PCSK6: variants seen among roughly 807,000 people sequenced by gnomAD.
The protein encoded by PCSK6 is proprotein convertase subtilisin/kexin type 6.
In PCSK6, 85 loss-of-function variants were observed where a neutral mutation model predicts 123.3. That is an observed-to-expected ratio of 0.69 (90% CI 0.58 to 0.83). The LOEUF is 0.83. PCSK6 is among the 40% of genes least tolerant of loss of function. The pLI, the probability that PCSK6 is intolerant of heterozygous loss-of-function variation, is 0.00. For synonymous variants in PCSK6, 508 were observed against 516.0 expected, an observed-to-expected ratio of 0.98 and a Z score of 0.21; for missense variants, 1,191 against 1,282.3, an observed-to-expected ratio of 0.93 and a Z score of 1.09.
chr15:101,336,757 T>A (rs1260985931), intron 13 of PCSK6: 1 of 152,076 alleles, frequency 6.6e-6, no homozygotes, highest in African/African-American at 2.4e-5. Context: ...TGTATTTTTG[T>A]TCTTTCTCTC....
At position 101,453,820 on chromosome 15, in the gene PCSK6, C is replaced by T. The variant is rs571149515; in HGVS notation, c.298-10160G>A. On this transcript the variant is annotated intron_variant, in intron 1 of 21. Coordinates refer to ENST00000611716, the MANE Select transcript of PCSK6 (RefSeq NM_002570.5). ...AGAAAGTCTCATCTAGAGAATTTGC[C>T]AGGGGAGAGAGGCTCCGGTACGAGT... Among the ~76,000 whole-genome samples the T allele has an allele frequency of 1.4e-4, 22 of 152,314 alleles. No individual in the cohort carries two copies. In the South Asian group the frequency reaches 4.1e-3, roughly 29 times the overall value.
At chr15:101,375,892 G>C (rs1596254908) in intron 11 of PCSK6, among the ~76,000 whole-genome samples, 1 of 152,086 alleles carries the variant, frequency 6.6e-6, no homozygotes, top group Non-Finnish European at 1.5e-5. Context: ...AAATTAGCCA[G>C]GTGTGATGGC....
rs577857295 is a variant in PCSK6, at chr15:101,384,334, C to T, written c.1402G>A (p.Ala468Thr). 33 of 1,613,628 alleles carry T rather than the reference C, an allele frequency of 2.0e-5. No homozygotes were observed. The highest frequency in any genetic ancestry group is 2.2e-5 in the East Asian group (1 of 44,900). Reference protein sequence around the residue: ...LKASDWKVNGAGHKVSHFYGF... With the variant: ...LKASDWKVNGTGHKVSHFYGF... ...GCCACTGCCGCACCTTTATGACCCG[C>T]GCCGTTCACTTTCCAGTCGCTCGCT... Residue 468 changes from alanine (A) to threonine (T), a missense_variant, in exon 10 of 22, where the codon GCG becomes ACG. Ala to Thr is a moderately conservative substitution (Grantham distance 58, BLOSUM62 0). Around this residue, in one of 3 missense-constraint regions of PCSK6, gnomAD observed 357 missense variants for 484.5 expected, o/e 0.74. Coordinates refer to ENST00000611716, the MANE Select transcript of PCSK6 (RefSeq NM_002570.5).
chr15:101,485,494 T>C (rs1342177277), intron 1 of PCSK6, among the ~76,000 whole-genome samples: 1 of 152,196 alleles, frequency 6.6e-6, no homozygotes. Context: ...CCTTTCCCGG[T>C]GTGACAAAGG....
chr15:101,470,585 C>T (rs1347615817), intron 1 of PCSK6, among the ~76,000 whole-genome samples: 2 of 152,138 alleles, frequency 1.3e-5, no homozygotes, highest in Non-Finnish European at 2.9e-5. Flanking sequence ...TTTTACATCC[C>T]TCCGGCATTC....
At chr15:101,372,086 C>T (rs970624407) in intron 11 of PCSK6, among the ~76,000 whole-genome samples, 1 of 152,244 alleles carries the variant, frequency 6.6e-6, no homozygotes, top group East Asian at 1.9e-4. Flanking sequence ...TGTGTCCAGG[C>T]TGGACCATCC....
At chr15:101,448,840 C>T (rs958973217) in intron 1 of PCSK6, among the ~76,000 whole-genome samples, 1 of 152,208 alleles carries the variant, frequency 6.6e-6, no homozygotes, top group Non-Finnish European at 1.5e-5. Flanking sequence ...AGAACCAGTA[C>T]CCTCAGCATG....
chr15:101,453,643 G>C (rs962703300), intron 1 of PCSK6, among the ~76,000 whole-genome samples: 4 of 152,198 alleles, frequency 2.6e-5, no homozygotes, highest in African/African-American at 9.7e-5. Context: ...CCACTGTGTA[G>C]CCTGCCTAAC....
Position 101,393,326 on chromosome 15 carries a change from G to A in PCSK6, c.1095C>T (p.Tyr365=), listed in dbSNP as rs371206498. 8.7e-6 allele frequency: 14 copies of A among 1,610,112 alleles called. No individual in the cohort carries two copies. Among genetic ancestry groups the A allele is most frequent in the Non-Finnish European group, 1.1e-5 (13 of 1,178,400 alleles). The stretch of plus-strand genomic sequence containing the variant: ...CGGTGGCGCTGCTGACGGAGATGGT[G>A]TAGATGCTGTTGGTGTAGCCATCGC... ...CSCDGYTNSI[Y]TISVSSATEN... Residue 365 remains tyrosine, a synonymous_variant, in exon 8 of 22, where the codon TAC becomes TAT. Transcript: ENST00000611716.
intron 6 of PCSK6, 34 bp downstream of exon 6, chr15:101,427,835 TCCCAGCTGCCCCTGCCCCAGGCC>T: frequency 7.3e-7 from 1 of 1,365,448 alleles, no homozygotes; most frequent in Non-Finnish European, 1.0e-6. Flanking sequence ...GACAGGGAGC[TCCCAGCTGCCCCTGCCCCAGGCC>T]CCTCGGCTCG....
At chr15:101,430,195 A>G (rs1271915272) in intron 4 of PCSK6, 132 bp from the exon 5 acceptor site, 2 of 686,678 alleles carry the variant, frequency 2.9e-6, no homozygotes, top group Non-Finnish European at 5.3e-6. Context: ...ATAATCTCAT[A>G]TACGTTTTTA....
intron 19 of PCSK6, among the ~76,000 whole-genome samples, chr15:101,316,813 G>T (rs1285702449): frequency 6.6e-6 from 1 of 152,152 alleles, no homozygotes; most frequent in Non-Finnish European, 1.5e-5. Flanking sequence ...TGCATGGGGT[G>T]CTCATGGCCG....
intron 2 of PCSK6, among the ~76,000 whole-genome samples, chr15:101,442,567 T>C (rs2056784281): frequency 1.3e-5 from 2 of 152,150 alleles, no homozygotes; most frequent in Admixed American, 6.5e-5. Context: ...TGATTGTCAT[T>C]GAAGCAGGTG....
intron 20 of PCSK6, chr15:101,307,559 G>A (rs2039754656): frequency 4.3e-6 from 2 of 469,762 alleles, no homozygotes; most frequent in Non-Finnish European, 7.7e-6. Flanking sequence ...ATGGCCAGTT[G>A]GCAGGAGCAA....
At chr15:101,431,544 G>C (rs751216226) in intron 3 of PCSK6, 81 bp from the exon 4 acceptor site, 2 of 1,564,952 alleles carry the variant, frequency 1.3e-6, no homozygotes, top group Admixed American at 1.7e-5. Context: ...ACCCCACAGG[G>C]AGGCGCTTAG....
At chr15:101,406,535 C>A (rs2042787059) in intron 6 of PCSK6, among the ~76,000 whole-genome samples, 2 of 152,102 alleles carry the variant, frequency 1.3e-5, no homozygotes, top group Admixed American at 1.3e-4. Flanking sequence ...AACTATAGCA[C>A]ATTCTGTTCT....
At chr15:101,317,383 G>C (rs2040015623) in intron 19 of PCSK6, among the ~76,000 whole-genome samples, 1 of 152,194 alleles carries the variant, frequency 6.6e-6, no homozygotes. Context: ...AAATAGCTCT[G>C]CAAAACAAAA....
At chr15:101,323,093 C>G (rs1334565822) in intron 17 of PCSK6, among the ~76,000 whole-genome samples, 2 of 152,164 alleles carry the variant, frequency 1.3e-5, no homozygotes, top group Non-Finnish European at 2.9e-5. Context: ...TTTGGGTCAC[C>G]CCAACTCCCA....
chr15:101,307,130 G>A, intron 21 of PCSK6, 83 bp downstream of exon 21: 1 of 979,120 alleles, frequency 1.0e-6, no homozygotes, highest in Non-Finnish European at 1.6e-6. Context: ...ATGCCTATGT[G>A]GCTTTGCTTT....
Sources: gnomAD v4.1 joint callset for allele counts (sites outside exome capture counted in the v4.1 genomes callset) on GRCh38, gnomAD v4.1.1 for gene constraint, gnomAD v4.1.1 regional missense constraint, MANE v1.5 for transcripts, NCBI Gene and HGNC (gene_info 2026-07-23, HGNC 2026-07-21) for gene names.